ZNF793: variants seen among roughly 807,000 people sequenced by gnomAD.
ZNF793 encodes the protein zinc finger protein 793.
A neutral mutation model predicts 12.4 loss-of-function variants in ZNF793; 5 were observed. The ratio of observed to expected loss-of-function variants is 0.40; its 90% CI spans 0.21 to 0.84. The LOEUF is 0.84. Among genes scored for constraint, ZNF793 ranks in the 40% least tolerant of loss-of-function variants. ZNF793 has a pLI of 0.35. For missense variants in ZNF793, 456 were observed against 495.0 expected, an observed-to-expected ratio of 0.92 and a Z score of 0.75; for synonymous variants, 162 against 172.4, an observed-to-expected ratio of 0.94 and a Z score of 0.47.
chr19:37,537,246 T>G lies in ZNF793; in HGVS notation c.588T>G (p.Ala196=). The G allele has an allele frequency of 6.2e-7, 1 of 1,613,904 alleles. No individual in the cohort carries two copies. The highest frequency in any genetic ancestry group is 1.1e-5 in the South Asian group (1 of 91,066). ...KPRGCSHCEK[A]FTQNPALMYK... ...GGGGTTGCAGTCACTGTGAGAAAGCTTTCACCCAGAACCCGGCACTTATGT... is the reference window on the plus strand; with the variant it reads ...GGGGTTGCAGTCACTGTGAGAAAGCGTTCACCCAGAACCCGGCACTTATGT... The change falls in exon 8 of 8, where the codon GCT becomes GCG. Residue 196 remains alanine, a synonymous_variant. Coordinates refer to ENST00000627814, the MANE Select transcript of ZNF793 (RefSeq NM_001013659.3).
At chr19:37,528,179 A>C (rs2042431182) in intron 5 of ZNF793, among the ~76,000 whole-genome samples, 1 of 152,198 alleles carries the variant, frequency 6.6e-6, no homozygotes, top group Non-Finnish European at 1.5e-5. Context: ...GAAGAGGCTC[A>C]TGAAGCAGAG....
At chr19:37,509,736 C>A (rs2042278603) in intron 2 of ZNF793, among the ~76,000 whole-genome samples, 1 of 152,108 alleles carries the variant, frequency 6.6e-6, no homozygotes, top group Admixed American at 6.6e-5. Flanking sequence ...TTTACATAAA[C>A]TTTTTATTGT....
chr19:37,508,071 G>A (rs926894036), intron 1 of ZNF793, among the ~76,000 whole-genome samples, 194 bp from the exon 2 acceptor site: 2 of 152,192 alleles, frequency 1.3e-5, no homozygotes, highest in Non-Finnish European at 2.9e-5. Context: ...CTGAATAGCA[G>A]CCAGTTCCTC....
intron 2 of ZNF793, among the ~76,000 whole-genome samples, chr19:37,518,363 T>C (rs901490122): frequency 4.6e-5 from 7 of 151,990 alleles, no homozygotes; most frequent in African/African-American, 1.7e-4. Context: ...CTGACCTCAG[T>C]TGATCTGCCC....
At chr19:37,519,180 G>A (rs2042356683) in intron 2 of ZNF793, among the ~76,000 whole-genome samples, 1 of 152,024 alleles carries the variant, frequency 6.6e-6, no homozygotes, top group Non-Finnish European at 1.5e-5. Context: ...GCAGGAGAAT[G>A]GCGTGAACCC....
At chr19:37,526,269 T>C (rs1475689557) in intron 5 of ZNF793, among the ~76,000 whole-genome samples, 1 of 152,190 alleles carries the variant, frequency 6.6e-6, no homozygotes, top group Non-Finnish European at 1.5e-5. Context: ...CATGCCACTA[T>C]GCCCAGCTAA....
intron 5 of ZNF793, among the ~76,000 whole-genome samples, chr19:37,528,936 T>TGC (rs998663405): frequency 1.9e-4 from 29 of 152,254 alleles, no homozygotes; most frequent in African/African-American, 6.3e-4. Context: ...TTCCTGATCT[T>TGC]GCTCCTGACA....
chr19:37,525,337 A>C (rs2042406159), intron 5 of ZNF793, among the ~76,000 whole-genome samples: 1 of 150,288 alleles, frequency 6.7e-6, no homozygotes, highest in Non-Finnish European at 1.5e-5. Context: ...ACAGGGTTTC[A>C]CCGTGTTAGC....
chr19:37,512,421 A>T (rs768582313), intron 2 of ZNF793, among the ~76,000 whole-genome samples: 2 of 152,120 alleles, frequency 1.3e-5, no homozygotes, highest in African/African-American at 4.8e-5. Flanking sequence ...AGGCTGAGGC[A>T]GGAGAATCAC....
At chr19:37,511,178 G>A (rs565105484) in intron 2 of ZNF793, among the ~76,000 whole-genome samples, 1 of 152,120 alleles carries the variant, frequency 6.6e-6, no homozygotes, top group East Asian at 1.9e-4. Context: ...CCACCCTAGG[G>A]GTAACTAGTG....
chr19:37,509,491 G>A (rs2042276409), intron 2 of ZNF793, among the ~76,000 whole-genome samples: 1 of 152,210 alleles, frequency 6.6e-6, no homozygotes, highest in Non-Finnish European at 1.5e-5. Flanking sequence ...AATAAAGGCA[G>A]CTGGATGCTA....
At chr19:37,513,448 A>T (rs1309880826) in intron 2 of ZNF793, among the ~76,000 whole-genome samples, 2 of 152,236 alleles carry the variant, frequency 1.3e-5, no homozygotes, top group African/African-American at 4.8e-5. Flanking sequence ...AGACACTTAC[A>T]AAACTGTTTA....
chr19:37,523,748 G>A (rs1242894685), intron 5 of ZNF793, among the ~76,000 whole-genome samples: 2 of 152,194 alleles, frequency 1.3e-5, no homozygotes, highest in Admixed American at 6.5e-5. Flanking sequence ...TGGAGGCAAG[G>A]AGGCTTTTAT....
chr19:37,541,820 A>C lies in ZNF793; in HGVS notation c.*3941A>C, dbSNP rs951664804. 7 of 152,240 alleles carry C rather than the reference A, an allele frequency of 4.6e-5. No homozygotes were observed. Among genetic ancestry groups the C allele is most frequent in the African/African-American group, 1.7e-4 (7 of 41,466 alleles). The allele number at this position is 152,240 out of a possible 1,614,324, so 9.4% of individuals were successfully genotyped here. A position where few individuals can be genotyped will look rare whatever the true frequency, so the allele number is the denominator to read the frequency against. ...TGGGGAAATATTTGTAAAGCTGATCAGAGAGAAGGCATTCATGAAATGGAC... is the reference window on the plus strand; with the variant it reads ...TGGGGAAATATTTGTAAAGCTGATCCGAGAGAAGGCATTCATGAAATGGAC... On this transcript the variant is annotated 3_prime_UTR_variant, in exon 8 of 8. Coordinates refer to ENST00000627814, the MANE Select transcript of ZNF793 (RefSeq NM_001013659.3).
upstream of ZNF793, chr19:37,506,698 A>C (rs1039761563): frequency 6.6e-6 from 1 of 152,234 alleles, no homozygotes; most frequent in African/African-American, 2.4e-5. Flanking sequence ...ATCTCTGTTT[A>C]GGGATCCAGG....
At position 37,542,564 on chromosome 19, in the gene ZNF793, C is replaced by T; in HGVS notation, c.*4685C>T. The T allele has an allele frequency of 3.0e-6, 1 of 330,096 alleles. No individual in the cohort carries two copies. 20.4% of individuals were successfully genotyped at this position (330,096 alleles called of 1,614,324 possible). A position where few individuals can be genotyped will look rare whatever the true frequency, so the allele number is the denominator to read the frequency against. On this transcript the variant is annotated 3_prime_UTR_variant, in exon 8 of 8. Transcript: ENST00000627814. ...GGCAAAAAAACCCCCAAAACCAAAG[C>T]AAACACTAGAATCAAAGTAAATACC...
At chr19:37,512,239 C>T (rs757609310) in intron 2 of ZNF793, among the ~76,000 whole-genome samples, 3 of 152,034 alleles carry the variant, frequency 2.0e-5, no homozygotes, top group Middle Eastern at 3.4e-3. Context: ...AGAATAGGCC[C>T]GGTGTGGTGG....
At chr19:37,523,520 T>C in intron 5 of ZNF793, 66 bp downstream of exon 5, 1 of 1,495,318 alleles carries the variant, frequency 6.7e-7, no homozygotes, top group Non-Finnish European at 9.3e-7. Flanking sequence ...AAAAAAAGGG[T>C]GTGCATTGTA....
chr19:37,524,904 A>G (rs2042401619), intron 5 of ZNF793, among the ~76,000 whole-genome samples: 2 of 152,194 alleles, frequency 1.3e-5, no homozygotes, highest in Admixed American at 1.3e-4. Flanking sequence ...TAGGTTTTTT[A>G]TATTGTTTCC....
Sources: allele counts gnomAD v4.1 joint callset (sites outside exome capture counted in the v4.1 genomes callset), GRCh38; gene constraint gnomAD v4.1.1; transcripts MANE v1.5; gene names NCBI Gene and HGNC (gene_info 2026-07-23, HGNC 2026-07-21).